The following SYNPR variants were observed in gnomAD, a reference collection of about 807,000 sequenced individuals.
SYNPR encodes the protein synaptoporin.
In SYNPR, 23 loss-of-function variants were observed where a neutral mutation model predicts 32.9. The ratio of observed to expected loss-of-function variants is 0.70; its 90% CI spans 0.50 to 0.99. SYNPR has a LOEUF of 0.99. SYNPR is among the 50% of genes least tolerant of loss of function. SYNPR has a pLI of 0.00. For missense variants in SYNPR, 318 were observed against 349.3 expected, an observed-to-expected ratio of 0.91 and a Z score of 0.71; for synonymous variants, 146 against 135.9, an observed-to-expected ratio of 1.07 and a Z score of -0.52.
At chr3:63,597,859 C>T (rs964501993) in intron 4 of SYNPR, among the ~76,000 whole-genome samples, 2 of 152,200 alleles carry the variant, frequency 1.3e-5, no homozygotes, top group Non-Finnish European at 2.9e-5. Flanking sequence ...AGAACAGAAA[C>T]TTGTCCTGTC....
intron 5 of SYNPR, among the ~76,000 whole-genome samples, chr3:63,614,462 A>G (rs1287911440): frequency 6.6e-6 from 1 of 152,222 alleles, no homozygotes; most frequent in Non-Finnish European, 1.5e-5. Flanking sequence ...GAATTTCCAT[A>G]GGAAAGTTTC....
At chr3:63,220,487 A>C in the SYNPR span, among the ~76,000 whole-genome samples, 1 of 152,088 alleles carries the variant, frequency 6.6e-6, no homozygotes, top group East Asian at 1.9e-4. Flanking sequence ...TTCCTTTGCC[A>C]GCTGCTCCCT....
chr3:63,551,342 C>T (rs1702496679), intron 3 of SYNPR, among the ~76,000 whole-genome samples: 1 of 152,226 alleles, frequency 6.6e-6, no homozygotes, highest in African/African-American at 2.4e-5. Context: ...GTTGTTTCTC[C>T]TGTTTGGCTA....
intron 2 of SYNPR, among the ~76,000 whole-genome samples, chr3:63,400,236 G>A (rs34468813): frequency 0.36 from 54,765 of 152,116 alleles, 10,917 homozygotes; most frequent in Middle Eastern, 0.47. Flanking sequence ...CTATTGGTGC[G>A]TGACAAAATA....
chr3:63,448,871 A>G (rs926963259), intron 2 of SYNPR, among the ~76,000 whole-genome samples: 3 of 152,190 alleles, frequency 2.0e-5, no homozygotes, highest in African/African-American at 7.2e-5. Context: ...GAACTGTTCT[A>G]GTAAGGCATT....
chr3:63,413,588 C>T (rs1575631783), intron 2 of SYNPR, among the ~76,000 whole-genome samples: 1 of 152,142 alleles, frequency 6.6e-6, no homozygotes, highest in African/African-American at 2.4e-5. Context: ...ACCCTTAGAA[C>T]AAATAGAGCC....
intron 3 of SYNPR, among the ~76,000 whole-genome samples, chr3:63,489,267 AG>A (rs1264650674): frequency 2.0e-5 from 3 of 152,204 alleles, no homozygotes; most frequent in African/African-American, 7.2e-5. Context: ...GCAAGTGTTC[AG>A]GCTGGATAAT....
intron 2 of SYNPR, among the ~76,000 whole-genome samples, chr3:63,422,624 C>T (rs999461316): frequency 6.6e-6 from 1 of 152,068 alleles, no homozygotes; most frequent in Non-Finnish European, 1.5e-5. Context: ...AACATTTTCA[C>T]CCATCAGATT....
intron 5 of SYNPR, among the ~76,000 whole-genome samples, chr3:63,611,834 T>TCAGGCCAGA (rs1700203593): frequency 1.3e-5 from 2 of 152,192 alleles, no homozygotes; most frequent in Non-Finnish European, 2.9e-5. Context: ...TTTGCCCACC[T>TCAGGCCAGA]TAGGCCAGAT....
chr3:63,469,931 A>G (rs1211278423), intron 2 of SYNPR, among the ~76,000 whole-genome samples: 1 of 87,034 alleles, frequency 1.1e-5, no homozygotes, highest in Admixed American at 1.0e-4. Context: ...AACGAAAGTG[A>G]AAACAGCACA....
Position 63,595,860 on chromosome 3 carries a change from GTTATATATATATAATT to G in SYNPR, c.409-13251_409-13236del, listed in dbSNP as rs1559546474. On this transcript the variant is annotated intron_variant, in intron 4 of 5. Coordinates refer to ENST00000478300, the MANE Select transcript of SYNPR (RefSeq NM_001130003.2). ...ATATATATAGTTTTATATATATATA[GTTATATATATATAATT>G]TTATATATATATAGTTTTATATATA... is the stretch of plus-strand genomic sequence containing the variant. Among the ~76,000 whole-genome samples the G allele has an allele frequency of 7.8e-4, 38 of 48,774 alleles. 1 individual carries two copies. Among genetic ancestry groups the G allele is most frequent in the African/African-American group, 2.9e-3 (36 of 12,426 alleles). The allele number at this position is 48,774 out of a possible 152,430, so 32.0% of individuals were successfully genotyped here.
intron 2 of SYNPR, among the ~76,000 whole-genome samples, chr3:63,386,352 G>A (rs1299399761): frequency 6.6e-6 from 1 of 152,138 alleles, no homozygotes; most frequent in Non-Finnish European, 1.5e-5. Flanking sequence ...CTACTCTGTA[G>A]GAGTTCCCCT....
chr3:63,545,681 T>C (rs1390264234), intron 3 of SYNPR: 2 of 152,134 alleles, frequency 1.3e-5, no homozygotes, highest in Non-Finnish European at 2.9e-5. Flanking sequence ...AAACAGTATA[T>C]TAAAGATTGT....
chr3:63,397,790 T>C (rs922195887), intron 2 of SYNPR, among the ~76,000 whole-genome samples: 2 of 152,330 alleles, frequency 1.3e-5, no homozygotes, highest in Non-Finnish European at 2.9e-5. Context: ...AAAATGGAGA[T>C]GATAGCTTCC....
chr3:63,494,450 C>CACATAT (rs1701325873), intron 3 of SYNPR, among the ~76,000 whole-genome samples: 3 of 86,786 alleles, frequency 3.5e-5, no homozygotes, highest in Non-Finnish European at 4.6e-5. Context: ...TATATATACA[C>CACATAT]ATATATATAC....
intron 4 of SYNPR, among the ~76,000 whole-genome samples, chr3:63,564,096 T>C (rs1046462969): frequency 6.6e-6 from 1 of 151,944 alleles, no homozygotes; most frequent in Non-Finnish European, 1.5e-5. Flanking sequence ...ATAATATCAT[T>C]TGAAGCCCCA....
rs573004645 is a variant in SYNPR, at chr3:63,540,594, A to T, written c.210-15949A>T. On this transcript the variant is annotated intron_variant, in intron 3 of 5. Transcript: ENST00000478300. ...AAAGAGGGAAGGGGAAATGGTTGTA[A>T]CATAATGGGCATGAATTCAATAAAA... Among the ~76,000 whole-genome samples the T allele has an allele frequency of 3.9e-5, 6 of 152,184 alleles. No individual in the cohort carries two copies. In the South Asian group the frequency reaches 1.2e-3, roughly 32 times the overall value.
At chr3:63,606,037 A>G (rs1257985048) in intron 4 of SYNPR, among the ~76,000 whole-genome samples, 1 of 152,208 alleles carries the variant, frequency 6.6e-6, no homozygotes, top group African/African-American at 2.4e-5. Flanking sequence ...CATTTGATTT[A>G]TACTAACTTA....
At chr3:63,566,368 C>T (rs1174200723) in intron 4 of SYNPR, among the ~76,000 whole-genome samples, 1 of 152,084 alleles carries the variant, frequency 6.6e-6, no homozygotes, top group African/African-American at 2.4e-5. Flanking sequence ...TCAGATACTG[C>T]TGGGTTTTAC....
Sources: allele counts gnomAD v4.1 joint callset (sites outside exome capture counted in the v4.1 genomes callset), GRCh38; gene constraint gnomAD v4.1.1; transcripts MANE v1.5; gene names NCBI Gene and HGNC (gene_info 2026-07-23, HGNC 2026-07-21).